PAN3: variants seen among roughly 807,000 people sequenced by gnomAD.
The protein encoded by PAN3 is PAN2-PAN3 deadenylation complex subunit PAN3.
A neutral mutation model predicts 96.2 loss-of-function variants in PAN3; 19 were observed. That is an observed-to-expected ratio of 0.20 (90% confidence interval 0.14 to 0.29). PAN3 has a LOEUF of 0.29. Ranked by LOEUF, PAN3 falls within the 10% of genes least tolerant of loss-of-function variation. The pLI, the probability that PAN3 is intolerant of heterozygous loss-of-function variation, is 1.00. For synonymous variants in PAN3, 433 were observed against 406.6 expected (o/e 1.06, Z -0.78); for missense variants, 882 against 1,108.1 (o/e 0.80, Z 2.90).
intron 17 of PAN3, among the ~76,000 whole-genome samples, chr13:28,285,214 C>A (rs1868832048): frequency 6.6e-6 from 1 of 151,886 alleles, no homozygotes; most frequent in South Asian, 2.1e-4. Context: ...TCAGTAAATT[C>A]TCTTTGAGTT....
chr13:28,233,069 C>T (rs572607381), intron 6 of PAN3, among the ~76,000 whole-genome samples: 4 of 151,654 alleles, frequency 2.6e-5, no homozygotes, highest in South Asian at 2.1e-4. Flanking sequence ...AACTAGAATA[C>T]GAAAATTTTA....
At chr13:28,178,052 G>T in intron 4 of PAN3, 117 bp downstream of exon 4, 1 of 822,580 alleles carries the variant, frequency 1.2e-6, no homozygotes, top group Non-Finnish European at 1.9e-6. Context: ...ATGGGCTTTA[G>T]TGTTTTTCCT....
intron 4 of PAN3, among the ~76,000 whole-genome samples, chr13:28,183,042 T>C (rs1192968959): frequency 6.6e-6 from 1 of 152,178 alleles, no homozygotes; most frequent in African/African-American, 2.4e-5. Flanking sequence ...TGGAAAAAGA[T>C]AAAGTAAATT....
intron 2 of PAN3, among the ~76,000 whole-genome samples, chr13:28,175,811 C>T (rs1874891787): frequency 6.6e-6 from 1 of 151,998 alleles, no homozygotes; most frequent in Non-Finnish European, 1.5e-5. Context: ...TTAAAATTAC[C>T]TCAGGAGCTT....
chr13:28,215,836 A>G (rs1208099436), intron 5 of PAN3: 1 of 1,401,948 alleles, frequency 7.1e-7, no homozygotes, highest in Non-Finnish European at 1.0e-6. Flanking sequence ...GCAGTGGACA[A>G]GAAGGCTGCT....
At chr13:28,217,589 A>C (rs1308589301) in intron 5 of PAN3, among the ~76,000 whole-genome samples, 1 of 109,386 alleles carries the variant, frequency 9.1e-6, no homozygotes, top group Admixed American at 8.1e-5. Context: ...TCAAAAAACA[A>C]AAAAAAAACA....
At chr13:28,147,360 C>T (rs916361265) in intron 1 of PAN3, among the ~76,000 whole-genome samples, 12 of 152,148 alleles carry the variant, frequency 7.9e-5, no homozygotes, top group African/African-American at 2.7e-4. Flanking sequence ...TGAGTTTATT[C>T]AGGCATTAAA....
At chr13:28,263,075 A>G (rs1257838837) in intron 9 of PAN3, among the ~76,000 whole-genome samples, 1 of 152,202 alleles carries the variant, frequency 6.6e-6, no homozygotes, top group Non-Finnish European at 1.5e-5. Context: ...AATGTATCAA[A>G]GAATAAAGGG....
intron 5 of PAN3, among the ~76,000 whole-genome samples, chr13:28,202,526 T>G (rs1393518958): frequency 6.6e-6 from 1 of 152,210 alleles, no homozygotes; most frequent in Admixed American, 6.5e-5. Flanking sequence ...TAAAATACAT[T>G]GTCAGTTCTC....
chr13:28,283,042 C>T (rs932357016), intron 17 of PAN3, among the ~76,000 whole-genome samples: 1 of 151,900 alleles, frequency 6.6e-6, no homozygotes, highest in African/African-American at 2.4e-5. Context: ...AGATTGTCCT[C>T]AGAAAATTTT....
At chr13:28,235,921 A>G (rs964036391) in intron 6 of PAN3, among the ~76,000 whole-genome samples, 1 of 149,882 alleles carries the variant, frequency 6.7e-6, no homozygotes, top group East Asian at 2.0e-4. Flanking sequence ...TGTGGTTGCT[A>G]CAGGCTGGTG....
chr13:28,277,120 G>A lies in PAN3; in HGVS notation c.2050-117G>A, dbSNP rs45612431. On this transcript the variant is annotated intron_variant, in intron 14 of 18. Coordinates refer to ENST00000380958, the MANE Select transcript of PAN3 (RefSeq NM_175854.8). ...ATTCTGAGAATCACCAGTATTTGAGGACCCTGCCTGCAGCTTATTTATAAT... is the reference window on the plus strand; with the variant it reads ...ATTCTGAGAATCACCAGTATTTGAGAACCCTGCCTGCAGCTTATTTATAAT... 5.0e-3 allele frequency: 5,072 copies of A among 1,011,612 alleles called. 162 individuals carry two copies. In the African/African-American group the frequency reaches 0.067, roughly 13 times the overall value. 62.7% of individuals were successfully genotyped at this position (1,011,612 alleles called of 1,614,324 possible).
intron 5 of PAN3, chr13:28,215,313 G>A: frequency 1.4e-6 from 1 of 731,450 alleles, no homozygotes; most frequent in Non-Finnish European, 2.5e-6. Context: ...TGTGGACCGA[G>A]TGGAGACTGG....
chr13:28,176,847 TA>T (rs576041465), intron 3 of PAN3, among the ~76,000 whole-genome samples: 48 of 144,248 alleles, frequency 3.3e-4, no homozygotes, highest in Non-Finnish European at 2.6e-4. Flanking sequence ...TCTCTATTAT[TA>T]AAAAAAAAAA....
intron 6 of PAN3, among the ~76,000 whole-genome samples, chr13:28,229,896 T>TTGC (rs1302489591): frequency 6.6e-6 from 1 of 152,174 alleles, no homozygotes; most frequent in Non-Finnish European, 1.5e-5. Context: ...TTCCCAGGTG[T>TTGC]TGCTGATGCT....
intron 4 of PAN3, among the ~76,000 whole-genome samples, chr13:28,180,881 A>G (rs552319352): frequency 4.6e-5 from 7 of 152,248 alleles, no homozygotes; most frequent in Admixed American, 6.5e-5. Flanking sequence ...CTTAAATCTA[A>G]TTGGAGATGC....
chr13:28,275,943 TA>T (rs1467829826), intron 14 of PAN3, among the ~76,000 whole-genome samples: 2 of 152,194 alleles, frequency 1.3e-5, no homozygotes, highest in African/African-American at 4.8e-5. Flanking sequence ...TATGAACTTT[TA>T]AATGTTATTT....
At chr13:28,251,963 C>T (rs556934875) in intron 6 of PAN3, among the ~76,000 whole-genome samples, 3 of 151,386 alleles carry the variant, frequency 2.0e-5, no homozygotes, top group East Asian at 3.9e-4. Flanking sequence ...TCTCGGCTCA[C>T]GGCAACCTCC....
At chr13:28,242,937 G>A (rs1349656108) in intron 6 of PAN3, among the ~76,000 whole-genome samples, 2 of 152,036 alleles carry the variant, frequency 1.3e-5, no homozygotes, top group African/African-American at 4.8e-5. Flanking sequence ...GTACTCACTG[G>A]TATCATAATT....
Sources: allele counts gnomAD v4.1 joint callset (sites outside exome capture counted in the v4.1 genomes callset), GRCh38; gene constraint gnomAD v4.1.1; transcripts MANE v1.5; gene names NCBI Gene and HGNC (gene_info 2026-07-23, HGNC 2026-07-21).